Variants in NTM observed in about 807,000 individuals in gnomAD.
The protein encoded by NTM is IgLON family member 2.
Under a neutral mutation model 42.1 loss-of-function variants are expected in NTM, and 13 were observed. That is an observed-to-expected ratio of 0.31 (90% confidence interval 0.20 to 0.49). The LOEUF is 0.49. NTM is among the 20% of genes least tolerant of loss of function. The pLI, the probability that NTM is intolerant of heterozygous loss-of-function variation, is 0.99. For missense variants in NTM, 373 were observed against 452.8 expected (o/e 0.82, Z 1.60); for synonymous variants, 187 against 179.2 (o/e 1.04, Z -0.35).
intron 4 of NTM, among the ~76,000 whole-genome samples, chr11:132,292,744 G>T (rs946461018): frequency 2.4e-5 from 3 of 124,398 alleles, no homozygotes; most frequent in Non-Finnish European, 4.8e-5. Flanking sequence ...AGAGAACAAT[G>T]ATGCGTTATA....
chr11:132,237,539 C>T (rs572845477), intron 4 of NTM, among the ~76,000 whole-genome samples: 8 of 152,282 alleles, frequency 5.3e-5, no homozygotes, highest in East Asian at 3.9e-4. Flanking sequence ...AAGAGGTCTA[C>T]GTTTTCAGCC....
intron 2 of NTM, among the ~76,000 whole-genome samples, chr11:132,071,243 T>A (rs373544254): frequency 3.9e-3 from 264 of 68,222 alleles, no homozygotes; most frequent in South Asian, 5.5e-3. Context: ...AACACGTCAC[T>A]CAGCCAAGTT....
At chr11:132,273,351 A>G (rs371673201) in intron 4 of NTM, among the ~76,000 whole-genome samples, 4 of 117,810 alleles carry the variant, frequency 3.4e-5, no homozygotes, top group African/African-American at 1.3e-4. Context: ...GGAATTCCAC[A>G]TATGTATTCA....
chr11:132,203,356 A>G (rs1410410722), intron 3 of NTM, among the ~76,000 whole-genome samples: 2 of 152,196 alleles, frequency 1.3e-5, no homozygotes, highest in Non-Finnish European at 1.5e-5. Context: ...TAACATTTTA[A>G]TCTGATCCAC....
chr11:132,003,221 C>T lies in NTM; in HGVS notation c.167+91573C>T, dbSNP rs201986196. ...GAAACACCTGGAGGCTTGTTGAATCCGGATTCCTCCACCCACACCCTTAGA... is the reference window on the plus strand; with the variant it reads ...GAAACACCTGGAGGCTTGTTGAATCTGGATTCCTCCACCCACACCCTTAGA... On this transcript the variant is annotated intron_variant, in intron 2 of 8. Coordinates refer to ENST00000683400, the MANE Select transcript of NTM (RefSeq NM_001352005.2). The surrounding 1 kb of genome is among the most constrained non-coding windows in gnomAD (Gnocchi z 6.0). Among the ~76,000 whole-genome samples, 2 of 151,484 alleles carry T rather than the reference C, an allele frequency of 1.3e-5. No individual in the cohort carries two copies. Among genetic ancestry groups the T allele is most frequent in the African/African-American group, 2.4e-5 (1 of 41,222 alleles).
intron 2 of NTM, among the ~76,000 whole-genome samples, chr11:131,928,841 C>T (rs73580769): frequency 0.053 from 8,071 of 152,300 alleles, 676 homozygotes; most frequent in African/African-American, 0.18. Flanking sequence ...CATTTTCCAC[C>T]TCCTTCTCCC....
chr11:131,884,552 C>T (rs981598874), intron 1 of NTM, among the ~76,000 whole-genome samples: 16 of 152,184 alleles, frequency 1.1e-4, no homozygotes, highest in African/African-American at 3.6e-4. Flanking sequence ...CACACCACAG[C>T]GGCCATGTAG....
At chr11:132,038,401 G>A (rs149974184) in intron 2 of NTM, among the ~76,000 whole-genome samples, 3 of 152,264 alleles carry the variant, frequency 2.0e-5, no homozygotes, top group East Asian at 3.9e-4. Context: ...TTGGTTCCTC[G>A]GCTTGCAATT....
At chr11:131,636,976 T>G (rs1197833588) in intron 1 of NTM, among the ~76,000 whole-genome samples, 1 of 152,158 alleles carries the variant, frequency 6.6e-6, no homozygotes, top group East Asian at 1.9e-4. Flanking sequence ...TTGTCATCTT[T>G]GAGATGAGGA....
intron 4 of NTM, among the ~76,000 whole-genome samples, chr11:132,218,157 G>A (rs2084316147): frequency 1.3e-5 from 2 of 152,132 alleles, no homozygotes; most frequent in South Asian, 4.1e-4. Context: ...CATTAGAATG[G>A]CAGAGGAGAA....
At chr11:132,237,388 C>T (rs1438251962) in intron 4 of NTM, among the ~76,000 whole-genome samples, 1 of 152,136 alleles carries the variant, frequency 6.6e-6, no homozygotes, top group Non-Finnish European at 1.5e-5. Flanking sequence ...TCACAGTGAT[C>T]CCAGAGTTTC....
chr11:131,379,267 C>T (rs1375286485), intron 1 of NTM, among the ~76,000 whole-genome samples: 1 of 152,210 alleles, frequency 6.6e-6, no homozygotes, highest in Non-Finnish European at 1.5e-5. Flanking sequence ...CCTCTATCTC[C>T]AGTGATAGGA....
At chr11:132,119,083 C>T (rs1019089118) in intron 2 of NTM, among the ~76,000 whole-genome samples, 2 of 152,176 alleles carry the variant, frequency 1.3e-5, no homozygotes, top group South Asian at 2.1e-4. Flanking sequence ...ATGCTCTGGG[C>T]CCTGGGACCT....
At chr11:131,743,787 T>C (rs1008785722) in intron 1 of NTM, among the ~76,000 whole-genome samples, 2 of 152,228 alleles carry the variant, frequency 1.3e-5, no homozygotes, top group African/African-American at 4.8e-5. Context: ...TCCTTCAGCA[T>C]AATACAGACA....
intron 1 of NTM, among the ~76,000 whole-genome samples, chr11:131,860,598 C>T (rs547613177): frequency 8.5e-5 from 13 of 152,280 alleles, no homozygotes; most frequent in East Asian, 7.7e-4. Context: ...ATTGCTTGCA[C>T]GGATAATCTA....
intron 4 of NTM, among the ~76,000 whole-genome samples, chr11:132,243,717 C>T (rs147620385): frequency 2.6e-5 from 4 of 152,334 alleles, no homozygotes; most frequent in African/African-American, 4.8e-5. Flanking sequence ...CTTCCCAGAA[C>T]TGACCATCTG....
intron 1 of NTM, among the ~76,000 whole-genome samples, chr11:131,506,794 A>G (rs770468279): frequency 2.0e-5 from 3 of 152,198 alleles, no homozygotes; most frequent in Non-Finnish European, 4.4e-5. Flanking sequence ...CTGAGGGCTC[A>G]TGGACACAAG....
At chr11:131,621,538 G>A (rs900426505) in intron 1 of NTM, among the ~76,000 whole-genome samples, 2 of 148,002 alleles carry the variant, frequency 1.4e-5, no homozygotes, top group Middle Eastern at 3.7e-3. Context: ...AGTGGTGTGT[G>A]CCTATAATCC....
intron 1 of NTM, among the ~76,000 whole-genome samples, chr11:131,855,208 G>A (rs2045977160): frequency 6.6e-6 from 1 of 152,172 alleles, no homozygotes; most frequent in African/African-American, 2.4e-5. Context: ...CAGGTAGTAC[G>A]TACAAGAAAC....
Sources: gnomAD v4.1 joint callset for allele counts (sites outside exome capture counted in the v4.1 genomes callset) on GRCh38, gnomAD v4.1.1 for gene constraint, Gnocchi (gnomAD v3.1) non-coding constraint, MANE v1.5 for transcripts, NCBI Gene and HGNC (gene_info 2026-07-23, HGNC 2026-07-21) for gene names.